Variants in SH2B3 observed in about 807,000 individuals in gnomAD.
SH2B3 encodes SH2B adaptor protein 3.
Under a neutral mutation model 51.9 loss-of-function variants are expected in SH2B3, and 43 were observed. The observed-to-expected ratio is 0.83, with a 90% confidence interval of 0.65 to 1.07. The LOEUF is 1.07. Among genes scored for constraint, SH2B3 ranks in the 50% least tolerant of loss-of-function variants. The pLI is 0.00. For synonymous variants in SH2B3, 396 were observed against 376.0 expected (o/e 1.05, Z -0.62); for missense variants, 952 against 834.3 (o/e 1.14, Z -1.74).
intron 2 of SH2B3, among the ~76,000 whole-genome samples, chr12:111,420,367 CAAAAAA>C (rs59301682): frequency 1.6e-4 from 10 of 64,474 alleles, no homozygotes; most frequent in East Asian, 1.3e-3. Flanking sequence ...GACCCTGTCT[CAAAAAA>C]AAAAAAAAAA....
At chr12:111,446,572 G>A (rs1873980439) in intron 2 of SH2B3, among the ~76,000 whole-genome samples, 181 bp from the exon 3 acceptor site, 1 of 152,178 alleles carries the variant, frequency 6.6e-6, no homozygotes, top group South Asian at 2.1e-4. Flanking sequence ...CAGTGTGAAT[G>A]GTGTTCAGGA....
chr12:111,446,842 C>CT lies in SH2B3; in HGVS notation c.825dup (p.Val276CysfsTer13). Reference sequence around the variant, plus strand: ...TTGAGATGCCTGACAACCTTTACACCTTTGTGCTGAAGGTGAGTGACAAGG... The same window carrying CT: ...TTGAGATGCCTGACAACCTTTACACCTTTTGTGCTGAAGGTGAGTGACAAGG... On this transcript the variant is annotated frameshift_variant, in exon 3 of 8. Coordinates refer to ENST00000341259, the MANE Select transcript of SH2B3 (RefSeq NM_005475.3). LOFTEE classifies it high-confidence loss of function. The CT allele has an allele frequency of 6.2e-7, 1 of 1,602,362 alleles. No individual in the cohort carries two copies.
At chr12:111,408,451 C>T (rs1296302479) in intron 1 of SH2B3, among the ~76,000 whole-genome samples, 3 of 149,594 alleles carry the variant, frequency 2.0e-5, no homozygotes, top group African/African-American at 4.9e-5. Context: ...TCCTCCTTCT[C>T]CGATAAATAG....
chr12:111,436,820 G>A (rs1413800833), intron 2 of SH2B3, among the ~76,000 whole-genome samples: 1 of 152,118 alleles, frequency 6.6e-6, no homozygotes, highest in Non-Finnish European at 1.5e-5. Context: ...GATGGGAACT[G>A]AGGGGAATTC....
chr12:111,433,534 A>G (rs1872643500), intron 2 of SH2B3, among the ~76,000 whole-genome samples: 1 of 152,086 alleles, frequency 6.6e-6, no homozygotes, highest in African/African-American at 2.4e-5. Context: ...AAGGGTGTGA[A>G]GTAGTTTCTC....
intron 2 of SH2B3, among the ~76,000 whole-genome samples, chr12:111,431,267 G>T (rs961706199): frequency 6.7e-6 from 1 of 150,352 alleles, no homozygotes; most frequent in Non-Finnish European, 1.5e-5. Flanking sequence ...TGCCTGACTC[G>T]AACCCCAACC....
At chr12:111,423,603 C>T (rs1222652198) in intron 2 of SH2B3, among the ~76,000 whole-genome samples, 2 of 152,292 alleles carry the variant, frequency 1.3e-5, no homozygotes, top group Middle Eastern at 3.4e-3. Flanking sequence ...ATCTCCTGAC[C>T]TCGTTATCTG....
intron 1 of SH2B3, among the ~76,000 whole-genome samples, chr12:111,408,347 C>T (rs563598035): frequency 1.5e-4 from 23 of 152,228 alleles, no homozygotes; most frequent in African/African-American, 4.6e-4. Context: ...GCCTTGGGGC[C>T]GGAATGATCT....
chr12:111,415,396 TGG>T (rs1016581195), intron 1 of SH2B3, among the ~76,000 whole-genome samples: 1 of 151,804 alleles, frequency 6.6e-6, no homozygotes, highest in Non-Finnish European at 1.5e-5. Context: ...AGCAGAGGGG[TGG>T]GGGGTCTCAG....
rs1412181309 is a variant in SH2B3, at chr12:111,438,355, G to A, written c.733-8398G>A. ...CTCCTGATGGTGCCCTTGCGGGGAG[G>A]TCAGGGGGCTGACACACCTGAGCCT... On this transcript the variant is annotated intron_variant, in intron 2 of 7. Coordinates refer to ENST00000341259, the MANE Select transcript of SH2B3 (RefSeq NM_005475.3). This position sits in a 1 kb window ranked among gnomAD's most constrained non-coding sequence, Gnocchi z 4.2. Among the ~76,000 whole-genome samples, 1 of 152,072 alleles carries A rather than the reference G, an allele frequency of 6.6e-6. No homozygotes were observed. The highest frequency in any genetic ancestry group is 1.5e-5 in the Non-Finnish European group (1 of 67,992).
At chr12:111,423,124 G>A (rs887733638) in intron 2 of SH2B3, among the ~76,000 whole-genome samples, 10 of 152,192 alleles carry the variant, frequency 6.6e-5, no homozygotes, top group South Asian at 2.1e-4. Context: ...TGAAGAGGCC[G>A]GTGTGGTGGG....
chr12:111,404,892 A>G (rs1056080501), upstream of SH2B3, among the ~76,000 whole-genome samples: 4 of 152,350 alleles, frequency 2.6e-5, no homozygotes, highest in African/African-American at 9.6e-5. Flanking sequence ...CCGGGTAGGA[A>G]GAGGGGGAGG....
Position 111,418,797 on chromosome 12 carries a change from C to A in SH2B3, c.652C>A (p.Gln218Lys). Residue 218 changes from glutamine (Q) to lysine (K), a missense_variant, in exon 2 of 8, where the codon CAG becomes AAG. Coordinates refer to ENST00000341259, the MANE Select transcript of SH2B3 (RefSeq NM_005475.3). This position sits in a 1 kb window ranked among gnomAD's most constrained non-coding sequence, Gnocchi z 6.7. ...EASMDSGARW[Q>K]RGRLALRRAP... ...CTCCATGGACAGCGGGGCACGCTGG[C>A]AGCGCGGGAGGCTGGCGCTGCGCCG... 1 of 1,453,004 alleles carries A rather than the reference C, an allele frequency of 6.9e-7. No individual in the cohort carries two copies. The highest frequency in any genetic ancestry group is 9.0e-7 in the Non-Finnish European group (1 of 1,113,318). The allele number at this position is 1,453,004 out of a possible 1,614,324, so 90.0% of individuals were successfully genotyped here.
intron 2 of SH2B3, among the ~76,000 whole-genome samples, chr12:111,428,897 C>T (rs555676069): frequency 5.9e-5 from 9 of 152,042 alleles, no homozygotes; most frequent in Admixed American, 5.9e-4. Context: ...GGGCTCTGGG[C>T]CCAGAGCCTG....
At chr12:111,424,908 A>G (rs1871870778) in intron 2 of SH2B3, among the ~76,000 whole-genome samples, 1 of 152,182 alleles carries the variant, frequency 6.6e-6, no homozygotes, top group Non-Finnish European at 1.5e-5. Flanking sequence ...TAAGCTTTGG[A>G]TCTGCACTTG....
intron 1 of SH2B3, among the ~76,000 whole-genome samples, chr12:111,412,919 T>C (rs939779367): frequency 2.0e-5 from 3 of 152,170 alleles, no homozygotes; most frequent in Non-Finnish European, 4.4e-5. Context: ...TTCCTGATCA[T>C]TGGTGGGTTT....
chr12:111,449,967 A>G lies in SH2B3; in HGVS notation c.*1665A>G, dbSNP rs933131675. 3 of 151,710 alleles carry G rather than the reference A, an allele frequency of 2.0e-5. No homozygotes were observed. Among genetic ancestry groups the G allele is most frequent in the African/African-American group, 7.3e-5 (3 of 41,228 alleles). The allele number at this position is 151,710 out of a possible 1,614,324, so 9.4% of individuals were successfully genotyped here. ...TTTTGAGATGGAGTTTCTCTTGTCA[A>G]CCGGGCTGGAGTGCAGTGGTGCAAT... On this transcript the variant is annotated 3_prime_UTR_variant, in exon 8 of 8. Transcript: ENST00000341259.
chr12:111,447,205 A>G lies in SH2B3; in HGVS notation c.1007A>G (p.Asp336Gly), dbSNP rs1485553173. The G allele has an allele frequency of 6.2e-7, 1 of 1,613,332 alleles. No homozygotes were observed. Among genetic ancestry groups the G allele is most frequent in the East Asian group, 2.2e-5 (1 of 44,870 alleles). The change falls in exon 5 of 8, where the codon GAT becomes GGT. Residue 336 changes from aspartate to glycine, a missense_variant. Asp to Gly is a moderately conservative substitution (Grantham distance 94). Transcript: ENST00000341259. ...STSSSPRGST[D>G]SLNQGASPGG... Reference sequence around the variant, plus strand: ...TCCAGCTCCCCAAGGGGCAGCACAGATTCCCTTAACCAAGGTGGGTAAACC... The same window carrying G: ...TCCAGCTCCCCAAGGGGCAGCACAGGTTCCCTTAACCAAGGTGGGTAAACC...
rs1264178818 is a variant in SH2B3 at position 111,410,761 on chromosome 12, C to T, written c.-28+4484C>T. 3.3e-5 allele frequency among the ~76,000 whole-genome samples: 5 copies of T among 152,334 alleles called. No individual in the cohort carries two copies. The highest frequency in any genetic ancestry group is 5.9e-5 in the Non-Finnish European group (4 of 68,024). ...GACCCTGCCTTCGCCCCCTGCTTCC[C>T]GTGGGCATCTCTGCGTCTGGCAACT... On this transcript the variant is annotated intron_variant, in intron 1 of 7. Transcript: ENST00000341259. The surrounding 1 kb of genome is among the most constrained non-coding windows in gnomAD (Gnocchi z 4.9).
Sources: allele counts gnomAD v4.1 joint callset (sites outside exome capture counted in the v4.1 genomes callset), GRCh38; gene constraint gnomAD v4.1.1; non-coding constraint Gnocchi (gnomAD v3.1); transcripts MANE v1.5; gene names NCBI Gene and HGNC (gene_info 2026-07-23, HGNC 2026-07-21).